THTPA: variants seen among roughly 807,000 people sequenced by gnomAD.
The protein encoded by THTPA is thiamine triphosphatase, also known as thiamine-triphosphatase.
A neutral mutation model predicts 16.5 loss-of-function variants in THTPA; 16 were observed. The observed-to-expected ratio is 0.97, with a 90% CI of 0.66 to 1.47. The LOEUF (loss-of-function observed/expected upper bound fraction) is 1.47, where lower values mean the gene tolerates loss of function less well. THTPA is among the 40% of genes most tolerant of loss of function. The pLI is 0.00. For synonymous variants in THTPA, 110 were observed against 115.5 expected (o/e 0.95, Z 0.30); for missense variants, 281 against 280.9 (o/e 1.00, Z 0.00).
At chr14:23,538,582 T>A in the THTPA span, among the ~76,000 whole-genome samples, 1 of 152,048 alleles carries the variant, frequency 6.6e-6, no homozygotes, top group African/African-American at 2.4e-5. Flanking sequence ...TTGCTCATCC[T>A]CAGACCCATC....
At chr14:23,525,035 C>A in the THTPA span, 1 of 1,536,200 alleles carries the variant, frequency 6.5e-7, no homozygotes, top group Admixed American at 2.0e-5. The surrounding 1 kb of genome is among the most constrained non-coding windows in gnomAD (Gnocchi z 5.9). Context: ...CACCACACGG[C>A]TAGCCAGACC....
At chr14:23,522,204 A>C in the THTPA span, 1 of 1,482,854 alleles carries the variant, frequency 6.7e-7, no homozygotes. Flanking sequence ...TGGTAGGTGC[A>C]GATGGGCACC....
chr14:23,531,666 C>A, the THTPA span: 1 of 1,494,770 alleles, frequency 6.7e-7, no homozygotes, highest in Non-Finnish European at 8.9e-7. Context: ...ACACAACAGG[C>A]AGTGGTATAG....
At chr14:23,532,912 G>A in the THTPA span, 3 of 1,536,258 alleles carry the variant, frequency 2.0e-6, no homozygotes, top group South Asian at 3.6e-5. Flanking sequence ...CTATGCTGCA[G>A]TGGTAGAGCA....
chr14:23,525,433 G>A, the THTPA span: 47 of 1,536,178 alleles, frequency 3.1e-5, no homozygotes, highest in East Asian at 1.1e-3. This position sits in a 1 kb window ranked among gnomAD's most constrained non-coding sequence, Gnocchi z 5.9. Flanking sequence ...GAAAGCGGCG[G>A]TGGACATGTT....
At chr14:23,535,055 CT>C in the THTPA span, 1 of 1,536,290 alleles carries the variant, frequency 6.5e-7, no homozygotes, top group Non-Finnish European at 8.7e-7. The surrounding 1 kb of genome is among the most constrained non-coding windows in gnomAD (Gnocchi z 4.5). Context: ...TTTTCCACCC[CT>C]GGGTCATTTG....
At chr14:23,534,626 C>T in the THTPA span, 3 of 1,536,172 alleles carry the variant, frequency 2.0e-6, no homozygotes, top group East Asian at 4.9e-5. The surrounding 1 kb of genome is among the most constrained non-coding windows in gnomAD (Gnocchi z 4.5). Flanking sequence ...CAGAAGACCG[C>T]CACGTGGTTG....
chr14:23,556,123 G>C (rs968790824), upstream of THTPA: 4 of 152,746 alleles, frequency 2.6e-5, no homozygotes, highest in Admixed American at 1.3e-4. Context: ...CACCGCGGGG[G>C]TCGCGGCCTC....
chr14:23,518,632 G>A, the THTPA span, among the ~76,000 whole-genome samples: 646 of 152,326 alleles, frequency 4.2e-3, 4 homozygotes, highest in African/African-American at 0.015. This position sits in a 1 kb window ranked among gnomAD's most constrained non-coding sequence, Gnocchi z 4.5. Context: ...GACCCTGGTC[G>A]TTAAGTAGGG....
chr14:23,529,641 TAGAATATG>T, the THTPA span: 1 of 1,404,362 alleles, frequency 7.1e-7, no homozygotes, highest in South Asian at 1.2e-5. Flanking sequence ...CGTCTGCCTT[TAGAATATG>T]AGCAGATCTC....
At chr14:23,531,385 C>T in the THTPA span, 124 of 1,328,700 alleles carry the variant, frequency 9.3e-5, no homozygotes, top group African/African-American at 1.3e-3. Flanking sequence ...AGGCCCTCTT[C>T]GCCTTCCTTG....
chr14:23,527,901 CT>C, the THTPA span: 63,000 of 446,160 alleles, frequency 0.14, 6 homozygotes, highest in South Asian at 0.18. Flanking sequence ...GCCCCCACTC[CT>C]TTTTTTTTTT....
At chr14:23,522,721 G>A in the THTPA span, 1 of 1,536,616 alleles carries the variant, frequency 6.5e-7, no homozygotes, top group Admixed American at 2.0e-5. Context: ...TGGAGGAGCT[G>A]GTGGGGCCTG....
the THTPA span, chr14:23,526,660 T>C: frequency 6.5e-7 from 1 of 1,535,962 alleles, no homozygotes. Flanking sequence ...GACTGGCTTC[T>C]GGGGTCAGGT....
chr14:23,516,761 A>C, the THTPA span, among the ~76,000 whole-genome samples: 1 of 152,240 alleles, frequency 6.6e-6, no homozygotes, highest in Non-Finnish European at 1.5e-5. Flanking sequence ...AGCAAATGGC[A>C]GAAGATGCTG....
Position 23,560,087 on chromosome 14 carries a change from G to A in THTPA, c.*1247G>A, listed in dbSNP as rs1883424418. ...CAGTATGGCAGTAGGTAGGGCTCAG[G>A]CAGCCCCTCTATACTCAGTGGCTCC... On this transcript the variant is annotated 3_prime_UTR_variant, in exon 2 of 2. Coordinates refer to ENST00000288014, the MANE Select transcript of THTPA (RefSeq NM_024328.6). The A allele has an allele frequency of 6.9e-7, 1 of 1,440,432 alleles. No individual in the cohort carries two copies. 89.2% of individuals were successfully genotyped at this position (1,440,432 alleles called of 1,614,324 possible).
At chr14:23,515,458 C>T in the THTPA span, among the ~76,000 whole-genome samples, 1 of 152,136 alleles carries the variant, frequency 6.6e-6, no homozygotes, top group Non-Finnish European at 1.5e-5. Flanking sequence ...GATAGATTTC[C>T]ATATCTTTGA....
At chr14:23,522,457 A>G in the THTPA span, 12 of 1,536,068 alleles carry the variant, frequency 7.8e-6, no homozygotes, top group Admixed American at 2.2e-4. Flanking sequence ...CTGTGGGCTC[A>G]GGGGGCTGGG....
the THTPA span, among the ~76,000 whole-genome samples, chr14:23,550,602 T>C: frequency 8.7e-3 from 1,329 of 152,226 alleles, 15 homozygotes; most frequent in African/African-American, 0.03. Context: ...TCAGCGGGGC[T>C]ACAGGCACAG....
Sources: allele counts gnomAD v4.1 joint callset (sites outside exome capture counted in the v4.1 genomes callset), GRCh38; gene constraint gnomAD v4.1.1; non-coding constraint Gnocchi (gnomAD v3.1); transcripts MANE v1.5; gene names NCBI Gene and HGNC (gene_info 2026-07-23, HGNC 2026-07-21).